CIT: variants seen among roughly 807,000 people sequenced by gnomAD.
CIT encodes citron rho-interacting serine/threonine kinase.
Under a neutral mutation model 272.7 loss-of-function variants are expected in CIT, and 79 were observed. The observed-to-expected ratio is 0.29, with a 90% CI of 0.24 to 0.35. The LOEUF is 0.35. CIT is among the 10% of genes least tolerant of loss of function. The pLI, the probability that CIT is intolerant of heterozygous loss-of-function variation, is 1.00. For missense variants in CIT, 1,909 were observed against 2,618.3 expected (o/e 0.73, Z 5.91); for synonymous variants, 948 against 995.6 (o/e 0.95, Z 0.90).
chr12:119,781,347 C>G (rs1404786737), intron 13 of CIT, among the ~76,000 whole-genome samples: 1 of 152,170 alleles, frequency 6.6e-6, no homozygotes, highest in Non-Finnish European at 1.5e-5. Context: ...CAACAAAACT[C>G]CAAAGACAGT....
chr12:119,796,642 A>G (rs777048258), intron 10 of CIT, among the ~76,000 whole-genome samples: 1 of 152,200 alleles, frequency 6.6e-6, no homozygotes, highest in Non-Finnish European at 1.5e-5. Flanking sequence ...GTGATGAGGA[A>G]CACAGTGTAC....
intron 26 of CIT, 34 bp downstream of exon 26, chr12:119,734,130 C>T (rs1180688702): frequency 1.2e-6 from 2 of 1,606,346 alleles, no homozygotes; most frequent in Admixed American, 1.7e-5. Flanking sequence ...CTGCGGTCAC[C>T]TGTCATGAGC....
At chr12:119,752,363 C>G (rs1960378854) in intron 22 of CIT, 116 bp from the exon 23 acceptor site, 1 of 922,824 alleles carries the variant, frequency 1.1e-6, no homozygotes, top group Non-Finnish European at 1.6e-6. Flanking sequence ...CTTGGAACCA[C>G]CTTCTCGGCA....
At chr12:119,807,439 TG>T (rs770171942) in intron 9 of CIT, among the ~76,000 whole-genome samples, 1 of 152,130 alleles carries the variant, frequency 6.6e-6, no homozygotes, top group Non-Finnish European at 1.5e-5. Flanking sequence ...TTATATAAAA[TG>T]TCTCTTTTTT....
chr12:119,847,891 G>A (rs1254629141), intron 5 of CIT, among the ~76,000 whole-genome samples: 1 of 152,146 alleles, frequency 6.6e-6, no homozygotes, highest in Admixed American at 6.6e-5. Flanking sequence ...GGGTGACAGA[G>A]TGAGACTTTG....
chr12:119,741,183 G>T (rs912303225), intron 24 of CIT, among the ~76,000 whole-genome samples: 1 of 151,924 alleles, frequency 6.6e-6, no homozygotes, highest in African/African-American at 2.4e-5. Flanking sequence ...ATTATTGATA[G>T]GTACAGCAAC....
chr12:119,849,387 A>G (rs1231792187), intron 5 of CIT, among the ~76,000 whole-genome samples: 1 of 151,974 alleles, frequency 6.6e-6, no homozygotes, highest in Admixed American at 6.6e-5. Context: ...AGATAGTGCC[A>G]CCGCACTCCA....
chr12:119,866,173 G>A (rs923216808), intron 3 of CIT, among the ~76,000 whole-genome samples: 2 of 152,046 alleles, frequency 1.3e-5, no homozygotes, highest in African/African-American at 4.8e-5. Flanking sequence ...CTAGATAAGG[G>A]AAGATTACCA....
intron 3 of CIT, among the ~76,000 whole-genome samples, chr12:119,858,647 C>T (rs1363141821): frequency 4.6e-5 from 7 of 152,014 alleles, no homozygotes; most frequent in African/African-American, 1.7e-4. Context: ...AGTGAAACCC[C>T]GTCTCTACCA....
chr12:119,744,690 G>A (rs146575542), intron 23 of CIT, among the ~76,000 whole-genome samples: 1,869 of 146,444 alleles, frequency 0.013, 41 homozygotes, highest in African/African-American at 0.045. Context: ...ACTCCAGCCT[G>A]GGCAACAGGG....
intron 3 of CIT, among the ~76,000 whole-genome samples, chr12:119,860,306 G>A (rs1370108292): frequency 1.3e-5 from 2 of 152,128 alleles, no homozygotes; most frequent in Non-Finnish European, 2.9e-5. Context: ...GGCAAGAGTG[G>A]TGGGTGGATC....
chr12:119,689,664 CTCTTTTTTTTT>C (rs1955806932), intron 47 of CIT, among the ~76,000 whole-genome samples: 1 of 102,062 alleles, frequency 9.8e-6, no homozygotes, highest in Non-Finnish European at 2.0e-5. Context: ...GCTTAGGAAG[CTCTTTTTTTTT>C]TTTTTTTTTT....
Position 119,752,254 on chromosome 12 carries a change from CAG to C in CIT, c.2707-9_2707-8del, listed in dbSNP as rs147146275. The stretch of plus-strand genomic sequence containing the variant: ...CCTCGTGCTCTAGACTGACCTGAGA[CAG>C]AGAGAGAGAGAGAAAGAGAGATAAA... On this transcript the variant is annotated splice_region_variant and splice_polypyrimidine_tract_variant and intron_variant, in intron 22 of 47. Transcript: ENST00000392521. 51,929 of 1,304,994 alleles carry C rather than the reference CAG, an allele frequency of 0.04. No individual in the cohort carries two copies. The highest frequency in any genetic ancestry group is 0.088 in the South Asian group (5,681 of 64,840). 80.8% of individuals were successfully genotyped at this position (1,304,994 alleles called of 1,614,324 possible).
At position 119,757,603 on chromosome 12, in the gene CIT, G is replaced by A. The variant is rs150796935; in HGVS notation, c.2532-58C>T. 631 of 1,599,092 alleles carry A rather than the reference G, an allele frequency of 3.9e-4. 2 individuals carry two copies. Among genetic ancestry groups the A allele is most frequent in the Middle Eastern group, 3.5e-3 (21 of 5,946 alleles). On this transcript the variant is annotated intron_variant, in intron 21 of 47. Coordinates refer to ENST00000392521, the MANE Select transcript of CIT (RefSeq NM_001206999.2). The stretch of plus-strand genomic sequence containing the variant: ...TCACAGTCTCATTAGGGTTGAGCCC[G>A]TTTCCACGGGAGGTAGACGGACACG...
intron 3 of CIT, among the ~76,000 whole-genome samples, chr12:119,863,940 A>T (rs183068675): frequency 5.9e-5 from 9 of 152,146 alleles, no homozygotes; most frequent in Non-Finnish European, 1.2e-4. Context: ...GCAGGGAGCC[A>T]TCACCAGATA....
chr12:119,844,064 C>T (rs1969613314), intron 5 of CIT, among the ~76,000 whole-genome samples: 1 of 149,784 alleles, frequency 6.7e-6, no homozygotes, highest in Non-Finnish European at 1.5e-5. Context: ...CTTTGTCGCC[C>T]AGGCTGGAGT....
At chr12:119,806,508 A>T (rs3847958) in intron 9 of CIT, among the ~76,000 whole-genome samples, 24,478 of 152,088 alleles carry the variant, frequency 0.16, 2,237 homozygotes, top group East Asian at 0.41. Flanking sequence ...CAAGAAATTA[A>T]CATGACTACT....
chr12:119,724,626 A>G (rs1168791078), intron 28 of CIT, among the ~76,000 whole-genome samples: 3 of 152,124 alleles, frequency 2.0e-5, no homozygotes, highest in Non-Finnish European at 2.9e-5. Context: ...ATTACTTCCA[A>G]TGAACAGATA....
chr12:119,780,214 G>A (rs944033228), intron 13 of CIT, among the ~76,000 whole-genome samples: 36 of 152,212 alleles, frequency 2.4e-4, no homozygotes, highest in African/African-American at 8.7e-4. Flanking sequence ...GAAATTGCTA[G>A]TAATGATCTA....
Sources: gnomAD v4.1 joint callset for allele counts (sites outside exome capture counted in the v4.1 genomes callset) on GRCh38, gnomAD v4.1.1 for gene constraint, MANE v1.5 for transcripts, NCBI Gene and HGNC (gene_info 2026-07-23, HGNC 2026-07-21) for gene names.